TTLL12: variants seen among roughly 807,000 people sequenced by gnomAD.
TTLL12 encodes the protein tubulin--tyrosine ligase-like protein 12.
In TTLL12, 77 loss-of-function variants were observed where a neutral mutation model predicts 79.6. That is an observed-to-expected ratio of 0.97 (90% CI 0.81 to 1.17). The LOEUF is 1.17. Ranked by LOEUF, TTLL12 falls within the 50% of genes most tolerant of loss-of-function variation. The pLI is 0.00. For missense variants in TTLL12, 969 were observed against 895.9 expected (o/e 1.08, Z -1.04); for synonymous variants, 437 against 376.1 (o/e 1.16, Z -1.87).
At chr22:43,180,599 G>A (rs1569486431) in intron 3 of TTLL12, 143 bp downstream of exon 3, 1 of 965,972 alleles carries the variant, frequency 1.0e-6, no homozygotes, top group Non-Finnish European at 1.6e-6. Context: ...CGAGTCCCCA[G>A]GATAGCACTC....
intron 6 of TTLL12, chr22:43,175,209 C>T (rs1167329233): frequency 1.3e-5 from 2 of 152,282 alleles, no homozygotes; most frequent in African/African-American, 4.8e-5. Context: ...TGTCTGGGAG[C>T]CTCAGGGAGG....
rs753308819 is a variant in TTLL12 at position 43,174,355 on chromosome 22, G to T, written c.1083C>A (p.Cys361Ter). 6.3e-7 allele frequency: 1 copy of T among 1,592,646 alleles called. No homozygotes were observed. Among genetic ancestry groups the T allele is most frequent in the Admixed American group, 1.7e-5 (1 of 58,234 alleles). Residue 361 changes from cysteine to a stop codon, truncating the protein, a stop_gained, in exon 8 of 14, where the codon TGC becomes TGA. Transcript: ENST00000216129. LOFTEE classifies it high-confidence loss of function. The part of the protein sequence containing the change: ...RPGVLLNQFP[C>*]ENLLTVKDCL... ...AGTCCTTGACAGTCAGCAGGTTCTC[G>T]CAGGGGAACTGGTTCAGCAGCACGC...
At position 43,172,467 on chromosome 22, in the gene TTLL12, G is replaced by A. The variant is rs749772478; in HGVS notation, c.1429C>T (p.Leu477=). 3.7e-6 allele frequency: 6 copies of A among 1,614,202 alleles called. No homozygotes were observed. The highest frequency in any genetic ancestry group is 2.5e-6 in the Non-Finnish European group (3 of 1,180,046). The change falls in exon 10 of 14, where the codon CTG becomes TTG. Residue 477 remains leucine (L), a synonymous_variant. Coordinates refer to ENST00000216129, the MANE Select transcript of TTLL12 (RefSeq NM_015140.4). Reference sequence around the variant, plus strand: ...AACCGTAGGGGCCTCACTGACCGCAGCAGCACGATGTAGCGGATGTCGAAC... The same window carrying A: ...AACCGTAGGGGCCTCACTGACCGCAACAGCACGATGTAGCGGATGTCGAAC... ...VKFDIRYIVL[L]RSVRPLRLFV... is the part of the protein sequence containing the mutation.
In TTLL12 at chr22:43,167,747, TGGTGAGG is replaced by T. The variant is rs1475033344; in HGVS notation, c.*254_*260del. ...TGGAGACTCATCAGTGCACAGATGG[TGGTGAGG>T]GGTGAGGGCAGGGCGTGGGGTGGTG... On this transcript the variant is annotated 3_prime_UTR_variant, in exon 14 of 14. Coordinates refer to ENST00000216129, the MANE Select transcript of TTLL12 (RefSeq NM_015140.4). 3 of 397,536 alleles carry T rather than the reference TGGTGAGG, an allele frequency of 7.5e-6. No individual in the cohort carries two copies. Among genetic ancestry groups the T allele is most frequent in the Non-Finnish European group, 1.4e-5 (3 of 217,284 alleles). 24.6% of individuals were successfully genotyped at this position (397,536 alleles called of 1,614,324 possible).
Position 43,186,925 on chromosome 22 carries a change from A to G in TTLL12, c.145T>C (p.Trp49Arg), listed in dbSNP as rs778082774. 2 of 1,356,548 alleles carry G rather than the reference A, an allele frequency of 1.5e-6. No homozygotes were observed. The highest frequency in any genetic ancestry group is 1.6e-5 in the South Asian group (1 of 62,814). 84.0% of individuals were successfully genotyped at this position (1,356,548 alleles called of 1,614,324 possible). A position where few individuals can be genotyped will look rare whatever the true frequency, so the allele number is the denominator to read the frequency against. Residue 49 changes from tryptophan (W) to arginine (R), a missense_variant, in exon 1 of 14, where the codon TGG becomes CGG. By Grantham distance (101) the Trp-to-Arg change is moderately radical (BLOSUM62 -3). Coordinates refer to ENST00000216129, the MANE Select transcript of TTLL12 (RefSeq NM_015140.4). ...LRASGVPERY[W>R]GRLLHKLEHE... Reference sequence around the variant, plus strand: ...TCCAGCTTGTGCAGGAGGCGGCCCCAGTAACGTTCGGGGACCCCCGAAGCG... The same window carrying G: ...TCCAGCTTGTGCAGGAGGCGGCCCCGGTAACGTTCGGGGACCCCCGAAGCG...
chr22:43,182,807 C>T (rs1164359212), intron 2 of TTLL12, among the ~76,000 whole-genome samples, 173 bp downstream of exon 2: 2 of 152,250 alleles, frequency 1.3e-5, no homozygotes, highest in East Asian at 1.9e-4. Flanking sequence ...TGTGTTGCCA[C>T]GGACAGTACT....
At chr22:43,179,092 C>G (rs1455757163) in intron 5 of TTLL12, among the ~76,000 whole-genome samples, 1 of 152,202 alleles carries the variant, frequency 6.6e-6, no homozygotes, top group Non-Finnish European at 1.5e-5. Context: ...CCCTAACCCG[C>G]CAGCCTCCTT....
At position 43,172,564 on chromosome 22, in the gene TTLL12, A is replaced by T. The variant is rs1420253126; in HGVS notation, c.1342-10T>A. Reference sequence around the variant, plus strand: ...TGTACTTGGACACAACCTGGAGGACACAGGTGCAAGCTCGCTGGTGGCCAG... The same window carrying T: ...TGTACTTGGACACAACCTGGAGGACTCAGGTGCAAGCTCGCTGGTGGCCAG... On this transcript the variant is annotated splice_polypyrimidine_tract_variant and intron_variant, in intron 9 of 13. Transcript: ENST00000216129. 1.2e-6 allele frequency: 2 copies of T among 1,614,072 alleles called. No individual in the cohort carries two copies. Among genetic ancestry groups the T allele is most frequent in the South Asian group, 2.2e-5 (2 of 91,084 alleles).
At chr22:43,177,320 G>A (rs1254843072) in intron 5 of TTLL12, among the ~76,000 whole-genome samples, 1 of 152,016 alleles carries the variant, frequency 6.6e-6, no homozygotes, top group Non-Finnish European at 1.5e-5. Context: ...AGTTAGCTAG[G>A]ATCATGCCAC....
chr22:43,174,671 C>T, intron 6 of TTLL12, 56 bp from the exon 7 acceptor site: 1 of 1,274,526 alleles, frequency 7.8e-7, no homozygotes, highest in Non-Finnish European at 1.1e-6. Context: ...AAGCGGGACT[C>T]CAGCACTAGC....
At chr22:43,177,665 T>A (rs1931949987) in intron 5 of TTLL12, among the ~76,000 whole-genome samples, 1 of 152,212 alleles carries the variant, frequency 6.6e-6, no homozygotes. Flanking sequence ...CCAGGCCTGC[T>A]GCCAACAGTC....
intron 8 of TTLL12, 136 bp from the exon 9 acceptor site, chr22:43,173,962 CA>C (rs1931832542): frequency 3.2e-6 from 3 of 938,548 alleles, no homozygotes; most frequent in Middle Eastern, 3.3e-4. Flanking sequence ...CTGTCAGAGG[CA>C]GGGGCATGGG....
intron 1 of TTLL12, among the ~76,000 whole-genome samples, chr22:43,183,753 G>C (rs1040179972): frequency 6.6e-6 from 1 of 152,258 alleles, no homozygotes; most frequent in African/African-American, 2.4e-5. Flanking sequence ...AAGCAGGCAA[G>C]TGACCTCTTC....
Position 43,167,288 on chromosome 22 carries a change from CAG to C in TTLL12, c.*718_*719del. On this transcript the variant is annotated 3_prime_UTR_variant, in exon 14 of 14. Transcript: ENST00000216129. ...GCGAGCAGGGCAACCACTGGGAAGA[CAG>C]ATACTGATTTCCCTGTTGGGGTCTG... is the stretch of plus-strand genomic sequence containing the variant. 1 of 473,378 alleles carries C rather than the reference CAG, an allele frequency of 2.1e-6. No homozygotes were observed. 29.3% of individuals were successfully genotyped at this position (473,378 alleles called of 1,614,324 possible).
At chr22:43,178,032 T>A (rs1329375728) in intron 5 of TTLL12, among the ~76,000 whole-genome samples, 1 of 152,118 alleles carries the variant, frequency 6.6e-6, no homozygotes, top group Non-Finnish European at 1.5e-5. Flanking sequence ...TAGTTCATGT[T>A]CCATTAACAA....
At chr22:43,177,226 G>C (rs1046118535) in intron 5 of TTLL12, among the ~76,000 whole-genome samples, 2 of 151,880 alleles carry the variant, frequency 1.3e-5, no homozygotes, top group East Asian at 3.9e-4. Context: ...ATAATTAGCG[G>C]GGCTTGGTAG....
Position 43,174,250 on chromosome 22 carries a change from C to T in TTLL12, c.1188G>A (p.Glu396=), listed in dbSNP as rs1931842429. The T allele has an allele frequency of 6.2e-7, 1 of 1,608,378 alleles. No individual in the cohort carries two copies. Among genetic ancestry groups the T allele is most frequent in the African/African-American group, 1.3e-5 (1 of 74,944 alleles). The change falls in exon 8 of 14, where the codon GAG becomes GAA. Residue 396 remains glutamate (E), a synonymous_variant. Transcript: ENST00000216129. ...WLPRTFNLRT[E]LPQFVSYFQQ... ...GGAAGTAGCTGACAAACTGGGGCAG[C>T]TCAGTGCGCAGGTTGAAGGTTCGGG...
intron 5 of TTLL12, 42 bp from the exon 6 acceptor site, chr22:43,176,438 G>A: frequency 6.5e-7 from 1 of 1,533,134 alleles, no homozygotes. Context: ...GGTCAAGGAA[G>A]GGAGGGAAAG....
At position 43,176,304 on chromosome 22, in the gene TTLL12, G is replaced by GA. The variant is rs768811707; in HGVS notation, c.917+15_917+16insT. 39 of 1,535,018 alleles carry GA rather than the reference G, an allele frequency of 2.5e-5. No homozygotes were observed. The highest frequency in any genetic ancestry group is 3.3e-5 in the Non-Finnish European group (37 of 1,138,252). On this transcript the variant is annotated intron_variant, in intron 6 of 13. Transcript: ENST00000216129. ...CGGACAAGTCCCAGCCCAAGCAGTGGGGGGGGGCTACGCACTTGAAGATGT... is the reference window on the plus strand; with the variant it reads ...CGGACAAGTCCCAGCCCAAGCAGTGGAGGGGGGGCTACGCACTTGAAGATGT...
Sources: allele counts gnomAD v4.1 joint callset (sites outside exome capture counted in the v4.1 genomes callset), GRCh38; gene constraint gnomAD v4.1.1; transcripts MANE v1.5; gene names NCBI Gene and HGNC (gene_info 2026-07-23, HGNC 2026-07-21).